The following SV2C variants were observed in gnomAD, a reference collection of about 807,000 sequenced individuals.
SV2C encodes synaptic vesicle glycoprotein 2C, also known as solute carrier family 22 member B3.
Under a neutral mutation model 79.7 loss-of-function variants are expected in SV2C, and 49 were observed. That is an observed-to-expected ratio of 0.61 (90% CI 0.49 to 0.78). The LOEUF (loss-of-function observed/expected upper bound fraction) is 0.78. Ranked by LOEUF, SV2C falls within the 30% of genes least tolerant of loss-of-function variation. The pLI is 0.00. For synonymous variants in SV2C, 334 were observed against 333.2 expected, an observed-to-expected ratio of 1.00 and a Z score of -0.03; for missense variants, 833 against 912.9, an observed-to-expected ratio of 0.91 and a Z score of 1.13.
At chr5:75,956,894 A>G in the SV2C span, among the ~76,000 whole-genome samples, 2 of 151,914 alleles carry the variant, frequency 1.3e-5, no homozygotes, top group African/African-American at 4.8e-5. Context: ...TCTCAAGTTA[A>G]TACATATCCT....
At chr5:76,176,695 A>G (rs1002224324) in intron 2 of SV2C, among the ~76,000 whole-genome samples, 4 of 152,328 alleles carry the variant, frequency 2.6e-5, no homozygotes, top group South Asian at 2.1e-4. Context: ...CTAACCCCCA[A>G]TCACTGTTTA....
intron 10 of SV2C, among the ~76,000 whole-genome samples, chr5:76,299,271 C>T (rs966533761): frequency 2.0e-4 from 31 of 152,132 alleles, no homozygotes; most frequent in Non-Finnish European, 3.8e-4. Flanking sequence ...AACTCTATAG[C>T]CAACAGAGAT....
chr5:75,904,300 T>G, the SV2C span, among the ~76,000 whole-genome samples: 1 of 151,990 alleles, frequency 6.6e-6, no homozygotes, highest in African/African-American at 2.4e-5. Context: ...GCTCACTGAA[T>G]GGGGGCTCTT....
At chr5:76,030,978 C>T in the SV2C span, among the ~76,000 whole-genome samples, 1 of 152,084 alleles carries the variant, frequency 6.6e-6, no homozygotes, top group Non-Finnish European at 1.5e-5. Flanking sequence ...TCGAAATCAA[C>T]TAAACAATAG....
At chr5:76,137,258 G>A (rs560432900) in intron 2 of SV2C, among the ~76,000 whole-genome samples, 43 of 152,306 alleles carry the variant, frequency 2.8e-4, no homozygotes, top group African/African-American at 9.9e-4. Flanking sequence ...CAGTTAGGAG[G>A]CTAATGCAAT....
At chr5:76,072,711 T>C in the SV2C span, among the ~76,000 whole-genome samples, 1 of 152,236 alleles carries the variant, frequency 6.6e-6, no homozygotes, top group Admixed American at 6.5e-5. Flanking sequence ...TGTACTAGTT[T>C]ACATTCCCAC....
the SV2C span, chr5:75,911,009 AC>A: frequency 2.9e-6 from 3 of 1,035,248 alleles, no homozygotes; most frequent in Non-Finnish European, 3.0e-6. Flanking sequence ...TACCTCACCT[AC>A]TAGTCCCTCT....
chr5:76,173,585 A>C, intron 2 of SV2C: 1 of 1,572,770 alleles, frequency 6.4e-7, no homozygotes, highest in Middle Eastern at 1.7e-4. Flanking sequence ...GAATTGGGCA[A>C]CAGTTCTTCA....
At chr5:75,898,018 G>A in the SV2C span, among the ~76,000 whole-genome samples, 1 of 151,742 alleles carries the variant, frequency 6.6e-6, no homozygotes. Context: ...CTGCAAACAG[G>A]GACAATTTGA....
At chr5:75,849,920 A>G in the SV2C span, among the ~76,000 whole-genome samples, 2 of 152,144 alleles carry the variant, frequency 1.3e-5, no homozygotes, top group Non-Finnish European at 2.9e-5. Context: ...TTTTTAAAAT[A>G]AGAAACCTTT....
intron 12 of SV2C, chr5:76,353,054 C>T: frequency 2.2e-6 from 1 of 449,766 alleles, no homozygotes. Context: ...GATCCTCTTG[C>T]CTCTGCCACC....
At chr5:76,247,800 C>G (rs1219343231) in intron 4 of SV2C, among the ~76,000 whole-genome samples, 1 of 152,196 alleles carries the variant, frequency 6.6e-6, no homozygotes, top group Non-Finnish European at 1.5e-5. Context: ...CAACCAAAGC[C>G]TCTACAATGC....
At chr5:76,124,600 C>A (rs1303327582) in intron 1 of SV2C, among the ~76,000 whole-genome samples, 1 of 152,158 alleles carries the variant, frequency 6.6e-6, no homozygotes, top group Non-Finnish European at 1.5e-5. Flanking sequence ...TCTCCAAAAT[C>A]TGCTCTCCAT....
Position 76,301,385 on chromosome 5 carries a change from G to A in SV2C, c.1841-1G>A, listed in dbSNP as rs1211735806. 3.7e-6 allele frequency: 6 copies of A among 1,613,672 alleles called. No individual in the cohort carries two copies. Among genetic ancestry groups the A allele is most frequent in the Non-Finnish European group, 5.1e-6 (6 of 1,179,928 alleles). On this transcript the variant is annotated splice_acceptor_variant, in intron 11 of 12. Transcript: ENST00000502798. LOFTEE classifies it high-confidence loss of function. The stretch of plus-strand genomic sequence containing the variant: ...CAGCCTTTTGTCTGCATTGTTGGCA[G>A]GTGGCTCTATGGTGCTTTCGGGGAT...
At chr5:75,928,204 C>T in the SV2C span, among the ~76,000 whole-genome samples, 1 of 152,184 alleles carries the variant, frequency 6.6e-6, no homozygotes, top group African/African-American at 2.4e-5. Flanking sequence ...CAAAACTTTT[C>T]ATCACTCCAA....
At chr5:76,005,175 AG>A in the SV2C span, among the ~76,000 whole-genome samples, 1 of 152,216 alleles carries the variant, frequency 6.6e-6, no homozygotes, top group Non-Finnish European at 1.5e-5. Context: ...AAGTGGGTGC[AG>A]TTTCCAGCCT....
intron 2 of SV2C, among the ~76,000 whole-genome samples, chr5:76,155,277 A>G (rs996108587): frequency 2.0e-5 from 3 of 152,248 alleles, no homozygotes; most frequent in African/African-American, 4.8e-5. Flanking sequence ...TTCACCAGGC[A>G]TATGGGCATT....
chr5:76,194,864 A>G (rs1041641255), intron 2 of SV2C, 55 bp from the exon 3 acceptor site: 2 of 1,579,232 alleles, frequency 1.3e-6, no homozygotes, highest in Non-Finnish European at 1.7e-6. Context: ...TTGCTGTTAC[A>G]TGTGTCATTG....
chr5:76,045,013 T>C, the SV2C span, among the ~76,000 whole-genome samples: 1 of 152,224 alleles, frequency 6.6e-6, no homozygotes, highest in African/African-American at 2.4e-5. Context: ...TGAATGGTAT[T>C]GCCTAGATTT....
Sources: gnomAD v4.1 joint callset for allele counts (sites outside exome capture counted in the v4.1 genomes callset) on GRCh38, gnomAD v4.1.1 for gene constraint, MANE v1.5 for transcripts, NCBI Gene and HGNC (gene_info 2026-07-23, HGNC 2026-07-21) for gene names.